BTBD10: variants seen among roughly 807,000 people sequenced by gnomAD.
BTBD10 encodes BTB/POZ domain-containing protein 10.
BTBD10 carries 21 observed loss-of-function variants against 53.2 expected under a neutral mutation model. The observed-to-expected ratio is 0.39, with a 90% CI of 0.28 to 0.57. BTBD10 has a LOEUF of 0.57. Among genes scored for constraint, BTBD10 ranks in the 20% least tolerant of loss-of-function variants. The pLI, the probability that BTBD10 is intolerant of heterozygous loss-of-function variation, is 0.53. For missense variants in BTBD10, 360 were observed against 594.7 expected (o/e 0.61, Z 4.10); for synonymous variants, 149 against 192.7 (o/e 0.77, Z 1.88).
At chr11:13,434,652 T>C (rs1950515102) in intron 2 of BTBD10, among the ~76,000 whole-genome samples, 1 of 152,180 alleles carries the variant, frequency 6.6e-6, no homozygotes. Context: ...AATGACGTAA[T>C]TTACATTTTA....
chr11:13,457,127 A>C (rs1950986403), intron 1 of BTBD10, among the ~76,000 whole-genome samples: 1 of 152,090 alleles, frequency 6.6e-6, no homozygotes, highest in African/African-American at 2.4e-5. Context: ...ATGCCACTGC[A>C]CTCCAGCCTA....
chr11:13,443,368 T>G (rs1950697309), intron 2 of BTBD10, among the ~76,000 whole-genome samples: 1 of 152,176 alleles, frequency 6.6e-6, no homozygotes, highest in Non-Finnish European at 1.5e-5. Context: ...CACTGTTCAT[T>G]TTTATTAATT....
intron 7 of BTBD10, among the ~76,000 whole-genome samples, chr11:13,404,318 G>A (rs1205702876): frequency 1.3e-5 from 2 of 151,984 alleles, no homozygotes; most frequent in African/African-American, 4.8e-5. Flanking sequence ...AGACCACTAA[G>A]TAAAAATGTT....
At chr11:13,425,185 G>A (rs2133980447) in intron 2 of BTBD10, among the ~76,000 whole-genome samples, 1 of 152,258 alleles carries the variant, frequency 6.6e-6, no homozygotes, top group East Asian at 1.9e-4. Context: ...GTTCCCACTG[G>A]TTCAGACTGG....
Position 13,413,522 on chromosome 11 carries a change from A to G in BTBD10, c.808+8T>C, listed in dbSNP as rs766481979. 76 of 1,597,666 alleles carry G rather than the reference A, an allele frequency of 4.8e-5. No homozygotes were observed. Among genetic ancestry groups the G allele is most frequent in the East Asian group, 6.8e-5 (3 of 44,384 alleles). On this transcript the variant is annotated splice_region_variant and intron_variant, in intron 6 of 8. Coordinates refer to ENST00000278174, the MANE Select transcript of BTBD10 (RefSeq NM_032320.7). ...ACAAACCACTTACACACAAAACATC[A>G]TACTTACTGAGATCTCTACATTTAA...
chr11:13,396,735 G>A (rs1949561260), intron 8 of BTBD10, among the ~76,000 whole-genome samples: 1 of 150,948 alleles, frequency 6.6e-6, no homozygotes, highest in South Asian at 2.1e-4. Flanking sequence ...AATTTATTGA[G>A]AGTTTTTAGC....
intron 3 of BTBD10, among the ~76,000 whole-genome samples, chr11:13,420,996 A>G (rs574362589): frequency 6.6e-6 from 1 of 152,276 alleles, no homozygotes; most frequent in South Asian, 2.1e-4. Context: ...ATCAGAAACT[A>G]TTGCTGCATA....
intron 1 of BTBD10, among the ~76,000 whole-genome samples, chr11:13,461,406 T>C (rs1951093080): frequency 6.6e-6 from 1 of 152,222 alleles, no homozygotes; most frequent in Non-Finnish European, 1.5e-5. Flanking sequence ...TGGATGTCTC[T>C]CTGATAAGGC....
intron 2 of BTBD10, among the ~76,000 whole-genome samples, chr11:13,423,654 C>T (rs1439486378): frequency 6.6e-6 from 1 of 152,132 alleles, no homozygotes; most frequent in Non-Finnish European, 1.5e-5. Context: ...AAAATCTAAT[C>T]TTCGTGATTC....
intron 1 of BTBD10, among the ~76,000 whole-genome samples, chr11:13,445,956 T>C (rs905330037): frequency 2.6e-5 from 4 of 152,096 alleles, no homozygotes; most frequent in African/African-American, 9.6e-5. Context: ...ATATACAGAA[T>C]AGAAAGCCTC....
intron 2 of BTBD10, among the ~76,000 whole-genome samples, chr11:13,427,079 T>C (rs1950353083): frequency 6.6e-6 from 1 of 152,132 alleles, no homozygotes; most frequent in Non-Finnish European, 1.5e-5. Flanking sequence ...TAGCTGGGTG[T>C]GGTGGCACAT....
intron 7 of BTBD10, among the ~76,000 whole-genome samples, 184 bp from the exon 8 acceptor site, chr11:13,403,462 T>C (rs1949753415): frequency 6.6e-6 from 1 of 152,052 alleles, no homozygotes; most frequent in African/African-American, 2.4e-5. Flanking sequence ...TAGAAGCAAA[T>C]GTCTACTTAA....
chr11:13,456,471 T>C (rs892714229), intron 1 of BTBD10, among the ~76,000 whole-genome samples: 4 of 152,124 alleles, frequency 2.6e-5, no homozygotes, highest in African/African-American at 7.2e-5. Context: ...ACTGGAATCA[T>C]ACAAATACTA....
intron 8 of BTBD10, among the ~76,000 whole-genome samples, chr11:13,391,079 C>T (rs145412637): frequency 2.0e-5 from 3 of 152,154 alleles, no homozygotes; most frequent in African/African-American, 7.2e-5. Flanking sequence ...CAAATGTAAT[C>T]ATATTACAAT....
chr11:13,462,842 C>T (rs1211980578), intron 1 of BTBD10: 1 of 152,314 alleles, frequency 6.6e-6, no homozygotes, highest in East Asian at 1.9e-4. Flanking sequence ...GAGAAAGGCC[C>T]CCGGACTCCC....
chr11:13,409,490 G>C (rs923071698), intron 6 of BTBD10, among the ~76,000 whole-genome samples: 3 of 152,006 alleles, frequency 2.0e-5, no homozygotes, highest in Non-Finnish European at 2.9e-5. Flanking sequence ...CATAAATTTT[G>C]TTTCCTCTTT....
intron 8 of BTBD10, among the ~76,000 whole-genome samples, chr11:13,389,561 C>T (rs960757958): frequency 1.1e-4 from 17 of 152,004 alleles, no homozygotes; most frequent in African/African-American, 3.6e-4. Context: ...CAGAGTAGCG[C>T]GGATTACAGG....
At chr11:13,404,458 T>C (rs985583509) in intron 7 of BTBD10, 18 of 205,726 alleles carry the variant, frequency 8.7e-5, no homozygotes, top group African/African-American at 4.0e-4. Context: ...TTCTATCTTC[T>C]ATGGTTGACT....
At chr11:13,411,818 T>C (rs1298374928) in intron 6 of BTBD10, among the ~76,000 whole-genome samples, 1 of 152,024 alleles carries the variant, frequency 6.6e-6, no homozygotes, top group Non-Finnish European at 1.5e-5. Context: ...ATAATGCTCA[T>C]GGTTTCAACT....
Sources: gnomAD v4.1 joint callset for allele counts (sites outside exome capture counted in the v4.1 genomes callset) on GRCh38, gnomAD v4.1.1 for gene constraint, MANE v1.5 for transcripts, NCBI Gene and HGNC (gene_info 2026-07-23, HGNC 2026-07-21) for gene names.